ZNF106: variants seen among roughly 807,000 people sequenced by gnomAD.
The protein encoded by ZNF106 is zinc finger protein 106.
ZNF106 carries 67 observed loss-of-function variants against 195.1 expected under a neutral mutation model. That is an observed-to-expected ratio of 0.34 (90% CI 0.28 to 0.42). The LOEUF is 0.42. Ranked by LOEUF, ZNF106 falls within the 10% of genes least tolerant of loss-of-function variation. The pLI is 1.00. For synonymous variants in ZNF106, 784 were observed against 818.6 expected (o/e 0.96, Z 0.72); for missense variants, 2,118 against 2,304.5 (o/e 0.92, Z 1.66).
At chr15:42,468,354 A>G (rs181197445) in intron 2 of ZNF106, among the ~76,000 whole-genome samples, 1 of 151,726 alleles carries the variant, frequency 6.6e-6, no homozygotes, top group Non-Finnish European at 1.5e-5. Flanking sequence ...CTGGGATTAC[A>G]GGCATGAGCC....
At chr15:42,486,078 C>T (rs1014687128) in intron 1 of ZNF106, among the ~76,000 whole-genome samples, 2 of 151,940 alleles carry the variant, frequency 1.3e-5, no homozygotes, top group African/African-American at 4.8e-5. Flanking sequence ...CTGCCTCAGC[C>T]TCCCGAGTAG....
Position 42,429,164 on chromosome 15 carries a change from G to A in ZNF106, c.4882-1030C>T, listed in dbSNP as rs144787386. The stretch of plus-strand genomic sequence containing the variant: ...AAATTCAAAATTTGTTGTTGAGGCC[G>A]GACACAGTGGCTCATGCCTGTAATC... On this transcript the variant is annotated intron_variant, in intron 14 of 21. Transcript: ENST00000564754. Among the ~76,000 whole-genome samples, 159 of 151,616 alleles carry A rather than the reference G, an allele frequency of 1.0e-3. 1 individual carries two copies. In the East Asian group the frequency reaches 0.015, roughly 14 times the overall value.
chr15:42,488,930 T>C (rs2141473257), intron 1 of ZNF106, among the ~76,000 whole-genome samples: 1 of 151,506 alleles, frequency 6.6e-6, no homozygotes, highest in African/African-American at 2.4e-5. Context: ...TACAAAACGT[T>C]AGCCAGGCAT....
chr15:42,422,834 T>C (rs1017716760), intron 17 of ZNF106, among the ~76,000 whole-genome samples: 1 of 151,666 alleles, frequency 6.6e-6, no homozygotes, highest in Non-Finnish European at 1.5e-5. Flanking sequence ...ACAAAATATA[T>C]GGATTGTATC....
chr15:42,465,167 C>T (rs746710329), intron 3 of ZNF106, among the ~76,000 whole-genome samples: 14 of 152,124 alleles, frequency 9.2e-5, no homozygotes, highest in Non-Finnish European at 1.5e-4. Flanking sequence ...TTCCAAAATG[C>T]TCGGATTACA....
At position 42,448,712 on chromosome 15, in the gene ZNF106, G is replaced by A. The variant is rs200378745; in HGVS notation, c.2502-7C>T. The stretch of plus-strand genomic sequence containing the variant: ...TACCATTTCTATGCCAAACCTTAAG[G>A]AAGAAAGAAAAAATGAAAACATAAA... On this transcript the variant is annotated splice_polypyrimidine_tract_variant and splice_region_variant and intron_variant, in intron 5 of 21. Coordinates refer to ENST00000564754, the MANE Select transcript of ZNF106 (RefSeq NM_001366845.3). 1.2e-3 allele frequency: 1,878 copies of A among 1,571,190 alleles called. 8 individuals carry two copies. In the Middle Eastern group the frequency reaches 0.014, roughly 12 times the overall value.
chr15:42,413,478 G>C lies in ZNF106; in HGVS notation c.*3826C>G, dbSNP rs994295834. ...AAACTGCAGTTATTTGAGCAAACCAGAGCATATGTGCTGTTCAAATCCCAC... is the reference window on the plus strand; with the variant it reads ...AAACTGCAGTTATTTGAGCAAACCACAGCATATGTGCTGTTCAAATCCCAC... On this transcript the variant is annotated 3_prime_UTR_variant, in exon 22 of 22. Coordinates refer to ENST00000564754, the MANE Select transcript of ZNF106 (RefSeq NM_001366845.3). The C allele has an allele frequency of 6.6e-6, 1 of 152,534 alleles. No homozygotes were observed. Among genetic ancestry groups the C allele is most frequent in the African/African-American group, 2.4e-5 (1 of 41,420 alleles). 9.4% of individuals were successfully genotyped at this position (152,534 alleles called of 1,614,324 possible). A position where few individuals can be genotyped will look rare whatever the true frequency, so the allele number is the denominator to read the frequency against.
At chr15:42,467,247 T>C (rs189125394) in intron 2 of ZNF106, among the ~76,000 whole-genome samples, 9 of 152,328 alleles carry the variant, frequency 5.9e-5, no homozygotes, top group Admixed American at 5.9e-4. Context: ...CAGTATGCCA[T>C]AATTAAAGAA....
At chr15:42,421,601 A>G (rs2054660320) in intron 19 of ZNF106, among the ~76,000 whole-genome samples, 1 of 152,210 alleles carries the variant, frequency 6.6e-6, no homozygotes, top group African/African-American at 2.4e-5. Flanking sequence ...CACACTGGCC[A>G]AATCTCCTGA....
intron 15 of ZNF106, 83 bp downstream of exon 15, chr15:42,427,935 C>T (rs1457090157): frequency 2.6e-6 from 3 of 1,158,148 alleles, no homozygotes; most frequent in African/African-American, 1.5e-5. Flanking sequence ...ATAGGAAAAT[C>T]CCTGCCTGCT....
Position 42,417,802 on chromosome 15 carries a change from T to TG in ZNF106, c.5664+2_5664+3insC. On this transcript the variant is annotated splice_region_variant and intron_variant, in intron 21 of 21. Coordinates refer to ENST00000564754, the MANE Select transcript of ZNF106 (RefSeq NM_001366845.3). ...AGGCAAACCTCAAGTCCCACTAATG[T>TG]ACCTGTTTGGATCCTTTCCTAGCAG... 1 of 1,612,490 alleles carries TG rather than the reference T, an allele frequency of 6.2e-7. No individual in the cohort carries two copies. Among genetic ancestry groups the TG allele is most frequent in the East Asian group, 2.2e-5 (1 of 44,818 alleles).
At chr15:42,434,132 C>T (rs1260280778) in intron 14 of ZNF106, among the ~76,000 whole-genome samples, 1 of 152,120 alleles carries the variant, frequency 6.6e-6, no homozygotes, top group Non-Finnish European at 1.5e-5. Context: ...CAGACATGAA[C>T]CATAGTACCT....
chr15:42,462,022 G>A (rs1205292851), intron 3 of ZNF106, among the ~76,000 whole-genome samples: 2 of 152,134 alleles, frequency 1.3e-5, no homozygotes, highest in Non-Finnish European at 2.9e-5. Context: ...TTACAGGTCA[G>A]GAACACTATA....
chr15:42,434,275 T>G (rs1035422288), intron 14 of ZNF106, among the ~76,000 whole-genome samples: 1 of 152,104 alleles, frequency 6.6e-6, no homozygotes, highest in African/African-American at 2.4e-5. Flanking sequence ...CTGCCTGACC[T>G]CAGGAGTTCA....
At chr15:42,437,522 C>T (rs1417304058) in intron 12 of ZNF106, 145 bp from the exon 13 acceptor site, 3 of 861,016 alleles carry the variant, frequency 3.5e-6, no homozygotes, top group Middle Eastern at 2.5e-4. Context: ...CAGACTACTA[C>T]AATTTTCAAT....
intron 1 of ZNF106, among the ~76,000 whole-genome samples, chr15:42,480,457 C>T (rs1243904982): frequency 6.6e-6 from 1 of 152,156 alleles, no homozygotes; most frequent in African/African-American, 2.4e-5. Flanking sequence ...GTGTATATTT[C>T]ATTAAAGTCA....
At chr15:42,423,873 G>A (rs1395878158) in intron 17 of ZNF106, 125 bp downstream of exon 17, 1 of 838,026 alleles carries the variant, frequency 1.2e-6, no homozygotes, top group Admixed American at 3.0e-5. Flanking sequence ...ATATGCACAG[G>A]GATGATTACG....
intron 3 of ZNF106, 196 bp from the exon 4 acceptor site, chr15:42,457,354 C>A (rs1161180315): frequency 1.4e-6 from 2 of 1,430,114 alleles, no homozygotes; most frequent in African/African-American, 2.9e-5. Context: ...TTTTAAGATT[C>A]TTTTCCAGCA....
chr15:42,429,867 G>C (rs2054991461), intron 14 of ZNF106, among the ~76,000 whole-genome samples: 2 of 152,018 alleles, frequency 1.3e-5, no homozygotes, highest in Admixed American at 6.5e-5. Flanking sequence ...GTGAGCTAAA[G>C]CTAGACATAA....
Sources: allele counts gnomAD v4.1 joint callset (sites outside exome capture counted in the v4.1 genomes callset), GRCh38; gene constraint gnomAD v4.1.1; transcripts MANE v1.5; gene names NCBI Gene and HGNC (gene_info 2026-07-23, HGNC 2026-07-21).